The following ATP8A2 variants were observed in gnomAD, a reference collection of about 807,000 sequenced individuals.
ATP8A2 encodes the protein ATPase phospholipid transporting 8A2.
In ATP8A2, 100 loss-of-function variants were observed where a neutral mutation model predicts 165.6. The ratio of observed to expected loss-of-function variants is 0.60; its 90% CI spans 0.51 to 0.71. The LOEUF is 0.71. Ranked by LOEUF, ATP8A2 falls within the 30% of genes least tolerant of loss-of-function variation. The pLI is 0.00. For missense variants in ATP8A2, 1,227 were observed against 1,479.5 expected (o/e 0.83, Z 2.80); for synonymous variants, 543 against 548.8 (o/e 0.99, Z 0.15).
rs117255410 is a variant in ATP8A2, at chr13:25,948,997, C to T, written c.3184-12578C>T. Among the ~76,000 whole-genome samples, 29 of 152,370 alleles carry T rather than the reference C, an allele frequency of 1.9e-4. No individual in the cohort carries two copies. The East Asian group carries it at 5.6e-3, about 29-fold the overall frequency. ...CACTTGCTGGTCACTGTCTTTGGTC[C>T]TTTCAGAGGCCCTTCCTCAGCGGTG... On this transcript the variant is annotated intron_variant, in intron 33 of 36. Coordinates refer to ENST00000381655, the MANE Select transcript of ATP8A2 (RefSeq NM_016529.6).
At chr13:25,949,706 C>A (rs1378777926) in intron 33 of ATP8A2, among the ~76,000 whole-genome samples, 1 of 152,212 alleles carries the variant, frequency 6.6e-6, no homozygotes, top group South Asian at 2.1e-4. Context: ...TCCAGCTGGA[C>A]AATTGCCCCT....
At chr13:25,636,868 T>C (rs941396221) in intron 24 of ATP8A2, among the ~76,000 whole-genome samples, 2 of 151,932 alleles carry the variant, frequency 1.3e-5, no homozygotes, top group African/African-American at 4.8e-5. Context: ...CAAGGCAGGA[T>C]GATTGCTGGA....
intron 35 of ATP8A2, among the ~76,000 whole-genome samples, chr13:25,984,619 A>G (rs1358746340): frequency 2.0e-5 from 3 of 149,230 alleles, no homozygotes; most frequent in South Asian, 4.2e-4. Flanking sequence ...AACAAACAAA[A>G]ACAACAAACA....
At chr13:25,695,750 G>A (rs766880308) in intron 24 of ATP8A2, among the ~76,000 whole-genome samples, 1 of 152,126 alleles carries the variant, frequency 6.6e-6, no homozygotes, top group Non-Finnish European at 1.5e-5. Flanking sequence ...TCTAATTCTA[G>A]TTCTCCCGTT....
At chr13:25,782,438 A>G (rs2044904575) in intron 27 of ATP8A2, among the ~76,000 whole-genome samples, 1 of 152,224 alleles carries the variant, frequency 6.6e-6, no homozygotes, top group African/African-American at 2.4e-5. Flanking sequence ...CAAGGCAGGC[A>G]GAATGCTGAG....
chr13:25,384,853 G>T (rs748810853), intron 1 of ATP8A2, among the ~76,000 whole-genome samples: 5 of 152,108 alleles, frequency 3.3e-5, no homozygotes, highest in Non-Finnish European at 7.4e-5. Context: ...CCCCATCCCA[G>T]TTTTTTGGCA....
chr13:25,891,217 T>A (rs1051833911), intron 33 of ATP8A2, among the ~76,000 whole-genome samples: 3 of 152,242 alleles, frequency 2.0e-5, no homozygotes, highest in Admixed American at 1.3e-4. Context: ...GTGTATTTGA[T>A]GTTTCTTTAG....
intron 24 of ATP8A2, among the ~76,000 whole-genome samples, chr13:25,591,741 C>A (rs1223927688): frequency 6.6e-6 from 1 of 152,104 alleles, no homozygotes; most frequent in Non-Finnish European, 1.5e-5. Flanking sequence ...CGCCACCATG[C>A]CTGGCTAATT....
chr13:25,758,939 C>G lies in ATP8A2; in HGVS notation c.2385-10107C>G, dbSNP rs184144297. Among the ~76,000 whole-genome samples the G allele has an allele frequency of 1.6e-3, 248 of 152,128 alleles. 1 individual carries two copies. The highest frequency in any genetic ancestry group is 5.7e-3 in the African/African-American group (235 of 41,500). ...GAAGAAAGAGCTTTGTGTAAATTACCTCCTTTCCCACCCAAGAAATTCCAC... is the reference window on the plus strand; with the variant it reads ...GAAGAAAGAGCTTTGTGTAAATTACGTCCTTTCCCACCCAAGAAATTCCAC... On this transcript the variant is annotated intron_variant, in intron 25 of 36. Coordinates refer to ENST00000381655, the MANE Select transcript of ATP8A2 (RefSeq NM_016529.6).
intron 28 of ATP8A2, among the ~76,000 whole-genome samples, chr13:25,833,785 C>A (rs114190294): frequency 1.3e-5 from 2 of 152,130 alleles, no homozygotes; most frequent in Non-Finnish European, 2.9e-5. Context: ...CTTCTGTAGC[C>A]GCAATTGGAC....
intron 36 of ATP8A2, among the ~76,000 whole-genome samples, chr13:26,014,609 A>G (rs1361921236): frequency 6.6e-6 from 1 of 152,166 alleles, no homozygotes; most frequent in African/African-American, 2.4e-5. Context: ...GTCAAGCTTT[A>G]AGACCAGAAG....
chr13:25,561,330 T>A (rs1454176888), intron 15 of ATP8A2, among the ~76,000 whole-genome samples: 1 of 152,178 alleles, frequency 6.6e-6, no homozygotes, highest in African/African-American at 2.4e-5. Context: ...CTTGGGTTGA[T>A]CCTCCAGTTT....
At chr13:25,468,769 T>TGGGCGGGGCCGG (rs993068672) in intron 1 of ATP8A2, 1 of 924,164 alleles carries the variant, frequency 1.1e-6, no homozygotes, top group African/African-American at 1.8e-5. Context: ...GGCGTGGGCG[T>TGGGCGGGGCCGG]GGGCGGGGCC....
At chr13:25,648,356 T>C (rs940872045) in intron 24 of ATP8A2, among the ~76,000 whole-genome samples, 1 of 152,152 alleles carries the variant, frequency 6.6e-6, no homozygotes, top group Non-Finnish European at 1.5e-5. Context: ...CTGCAGATGC[T>C]TAAGTCTCTT....
At chr13:26,008,726 C>G (rs1956789739) in intron 35 of ATP8A2, among the ~76,000 whole-genome samples, 1 of 152,148 alleles carries the variant, frequency 6.6e-6, no homozygotes, top group South Asian at 2.1e-4. Context: ...AAGACAGATT[C>G]CCTGCAAAAA....
rs929491684 is a variant in ATP8A2 at position 25,970,693 on chromosome 13, C to G, written c.3377+2014C>G. Among the ~76,000 whole-genome samples, 7 of 152,220 alleles carry G rather than the reference C, an allele frequency of 4.6e-5. No individual in the cohort carries two copies. The East Asian group carries it at 1.4e-3, about 29-fold the overall frequency. ...TGTACAACGCAGCATATTGCCTGAC[C>G]CATCTCAGGTGTGTAAAAGGTCAGC... On this transcript the variant is annotated intron_variant, in intron 35 of 36. Transcript: ENST00000381655.
At chr13:25,792,147 C>T (rs1435796253) in intron 27 of ATP8A2, among the ~76,000 whole-genome samples, 1 of 152,154 alleles carries the variant, frequency 6.6e-6, no homozygotes, top group Non-Finnish European at 1.5e-5. Flanking sequence ...CCTTGAGCTG[C>T]AAAAGTTGCT....
At chr13:25,520,787 A>AT (rs954463142) in intron 2 of ATP8A2, among the ~76,000 whole-genome samples, 2 of 137,444 alleles carry the variant, frequency 1.5e-5, no homozygotes, top group African/African-American at 2.8e-5. Flanking sequence ...ATATATATAT[A>AT]TTTTTTTTAG....
intron 1 of ATP8A2, among the ~76,000 whole-genome samples, chr13:25,422,421 C>T (rs2034327252): frequency 6.6e-6 from 1 of 152,158 alleles, no homozygotes; most frequent in South Asian, 2.1e-4. Flanking sequence ...TTTAAAAGGT[C>T]CCCATTAGAC....
Sources: allele counts gnomAD v4.1 joint callset (sites outside exome capture counted in the v4.1 genomes callset), GRCh38; gene constraint gnomAD v4.1.1; transcripts MANE v1.5; gene names NCBI Gene and HGNC (gene_info 2026-07-23, HGNC 2026-07-21).